The following FGFR2 variants were observed in gnomAD, a reference collection of about 807,000 sequenced individuals.
FGFR2 encodes the protein fibroblast growth factor receptor 2.
In FGFR2, 19 loss-of-function variants were observed where a neutral mutation model predicts 95.9. The ratio of observed to expected loss-of-function variants is 0.20; its 90% confidence interval spans 0.14 to 0.29. The LOEUF (loss-of-function observed/expected upper bound fraction) is 0.29. Among genes scored for constraint, FGFR2 ranks in the 10% least tolerant of loss-of-function variants. The pLI is 1.00. For missense variants in FGFR2, 707 were observed against 1,056.9 expected, an observed-to-expected ratio of 0.67 and a Z score of 4.59; for synonymous variants, 392 against 393.3, an observed-to-expected ratio of 1.00 and a Z score of 0.04.
intron 2 of FGFR2, among the ~76,000 whole-genome samples, chr10:121,586,888 C>T (rs919108850): frequency 1.3e-5 from 2 of 152,166 alleles, no homozygotes; most frequent in Non-Finnish European, 2.9e-5. Flanking sequence ...TGTCCAGCAT[C>T]TTGTTCAATC....
At chr10:121,495,898 CCTGT>C (rs1430230226) in intron 13 of FGFR2, among the ~76,000 whole-genome samples, 2 of 152,156 alleles carry the variant, frequency 1.3e-5, no homozygotes, top group East Asian at 1.9e-4. Flanking sequence ...CATCTGGGCA[CCTGT>C]CTAACTACTC....
intron 6 of FGFR2, among the ~76,000 whole-genome samples, chr10:121,523,501 G>A (rs1480270144): frequency 6.6e-6 from 1 of 152,152 alleles, no homozygotes; most frequent in Non-Finnish European, 1.5e-5. Context: ...ACAGACACAC[G>A]CTCCTCTCCT....
At chr10:121,566,056 TGTTTTATTTGTAAGAATGCCGA>T in intron 2 of FGFR2, 1 of 398,414 alleles carries the variant, frequency 2.5e-6, no homozygotes, top group Non-Finnish European at 4.7e-6. Context: ...TATTGTGGTA[TGTTTTATTTGTAAGAATGCCGA>T]GTTTTACACA....
At chr10:121,524,746 C>A (rs981334552) in intron 6 of FGFR2, among the ~76,000 whole-genome samples, 2 of 152,182 alleles carry the variant, frequency 1.3e-5, no homozygotes, top group Non-Finnish European at 2.9e-5. Flanking sequence ...AGAGTGGGGG[C>A]CCCCTTCGTG....
intron 5 of FGFR2, among the ~76,000 whole-genome samples, chr10:121,544,375 C>T (rs935862565): frequency 6.8e-6 from 1 of 146,728 alleles, no homozygotes; most frequent in Non-Finnish European, 1.5e-5. Flanking sequence ...ACCTGGGAGG[C>T]GGAGGTTGCA....
intron 5 of FGFR2, among the ~76,000 whole-genome samples, chr10:121,545,864 A>G (rs779249343): frequency 5.3e-5 from 8 of 152,184 alleles, no homozygotes; most frequent in Non-Finnish European, 1.0e-4. Context: ...TTCATGCTCA[A>G]TAATGCTTTA....
intron 14 of FGFR2, 79 bp downstream of exon 14, chr10:121,487,912 A>G (rs1845626896): frequency 1.9e-6 from 3 of 1,587,546 alleles, no homozygotes; most frequent in Non-Finnish European, 2.6e-6. Flanking sequence ...CCCAGCTCTC[A>G]ACATTGACGG....
chr10:121,524,138 A>C (rs1850976271), intron 6 of FGFR2, among the ~76,000 whole-genome samples: 2 of 143,722 alleles, frequency 1.4e-5, no homozygotes, highest in South Asian at 2.2e-4. Context: ...ACACACACAC[A>C]CACACACACC....
At chr10:121,557,733 A>G (rs534791669) in intron 4 of FGFR2, among the ~76,000 whole-genome samples, 17 of 152,298 alleles carry the variant, frequency 1.1e-4, no homozygotes, top group Admixed American at 3.9e-4. Context: ...CTTCAACACA[A>G]CTAAGAAGCC....
chr10:121,526,319 G>A (rs1436683375), intron 6 of FGFR2: 2 of 397,190 alleles, frequency 5.0e-6, no homozygotes, highest in Middle Eastern at 6.3e-4. Flanking sequence ...GCATAAAAAC[G>A]CACTAAACCA....
At chr10:121,597,826 G>A (rs1264738295) in intron 1 of FGFR2, 136 bp downstream of exon 1, 1 of 354,898 alleles carries the variant, frequency 2.8e-6, no homozygotes, top group Non-Finnish European at 5.0e-6. Context: ...ACAGAGGGAG[G>A]ACACGGAGCG....
At chr10:121,594,377 T>C (rs1420914029) in intron 1 of FGFR2, among the ~76,000 whole-genome samples, 1 of 152,232 alleles carries the variant, frequency 6.6e-6, no homozygotes, top group Admixed American at 6.5e-5. Flanking sequence ...ACCAACCTCG[T>C]TCCCTTCTCT....
chr10:121,513,736 C>A (rs557088007), intron 9 of FGFR2, among the ~76,000 whole-genome samples: 30 of 152,160 alleles, frequency 2.0e-4, no homozygotes, highest in Non-Finnish European at 3.4e-4. Context: ...ACAGGCCCCT[C>A]TTTTCCATGC....
At chr10:121,543,839 G>A (rs915681196) in intron 5 of FGFR2, among the ~76,000 whole-genome samples, 120 of 152,340 alleles carry the variant, frequency 7.9e-4, no homozygotes, top group African/African-American at 2.8e-3. Flanking sequence ...TCTCTCCAGA[G>A]GAGGTGGGAA....
chr10:121,497,511 C>CAT (rs1847030909), intron 12 of FGFR2, among the ~76,000 whole-genome samples: 1 of 152,256 alleles, frequency 6.6e-6, no homozygotes, highest in Non-Finnish European at 1.5e-5. Context: ...TTCACAGCTG[C>CAT]ATATACTGTA....
At chr10:121,493,708 C>G (rs988118757) in intron 13 of FGFR2, among the ~76,000 whole-genome samples, 4 of 152,202 alleles carry the variant, frequency 2.6e-5, no homozygotes, top group African/African-American at 9.6e-5. Context: ...GAACTCACAG[C>G]TCCCTTTGCT....
intron 4 of FGFR2, among the ~76,000 whole-genome samples, chr10:121,561,792 G>A (rs1425235516): frequency 6.6e-6 from 1 of 152,202 alleles, no homozygotes; most frequent in African/African-American, 2.4e-5. Context: ...CAAAAGAGAT[G>A]TAATAAAGGA....
Position 121,478,837 on chromosome 10 carries a change from G to A in FGFR2, c.*1020C>T. The A allele has an allele frequency of 4.3e-6, 1 of 233,648 alleles. No homozygotes were observed. Among genetic ancestry groups the A allele is most frequent in the Non-Finnish European group, 8.5e-6 (1 of 118,000 alleles). 14.5% of individuals were successfully genotyped at this position (233,648 alleles called of 1,614,324 possible). On this transcript the variant is annotated 3_prime_UTR_variant, in exon 18 of 18. Transcript: ENST00000358487. ...CAGCTGCCAGAGAGAAGCACATTCT[G>A]CTATCATTTCAACTAAGGTCTGTCC... is the stretch of plus-strand genomic sequence containing the variant.
chr10:121,539,799 G>A (rs1853418988), intron 5 of FGFR2, among the ~76,000 whole-genome samples: 1 of 152,202 alleles, frequency 6.6e-6, no homozygotes, highest in Admixed American at 6.5e-5. Context: ...AACAAATACA[G>A]GCAGAGCATC....
Sources: allele counts gnomAD v4.1 joint callset (sites outside exome capture counted in the v4.1 genomes callset), GRCh38; gene constraint gnomAD v4.1.1; transcripts MANE v1.5; gene names NCBI Gene and HGNC (gene_info 2026-07-23, HGNC 2026-07-21).